The following SLC18A1 variants were observed in gnomAD, a reference collection of about 807,000 sequenced individuals.
SLC18A1 encodes the protein chromaffin granule amine transporter.
Under a neutral mutation model 53.7 loss-of-function variants are expected in SLC18A1, and 69 were observed. The observed-to-expected ratio is 1.28, with a 90% confidence interval of 1.06 to 1.57. SLC18A1 has a LOEUF of 1.57. SLC18A1 is among the 40% of genes most tolerant of loss of function. SLC18A1 has a pLI of 0.00. For missense variants in SLC18A1, 932 were observed against 668.1 expected (o/e 1.40, Z -4.35); for synonymous variants, 320 against 248.1 (o/e 1.29, Z -2.72).
rs533827026 is a variant in SLC18A1 at position 20,171,078 on chromosome 8, G to A, written c.858+25C>T. On this transcript the variant is annotated intron_variant, in intron 8 of 15. Transcript: ENST00000276373. ...ATTCAGCCATCCTGTATAACTGTTA[G>A]AAATGGAGCTTTGTGTCTGCTTACC... 4 of 1,612,912 alleles carry A rather than the reference G, an allele frequency of 2.5e-6. No individual in the cohort carries two copies. In the East Asian group the frequency reaches 8.9e-5, roughly 36 times the overall value.
At chr8:20,152,428 G>A (rs915385315) in intron 10 of SLC18A1, among the ~76,000 whole-genome samples, 1 of 152,196 alleles carries the variant, frequency 6.6e-6, no homozygotes, top group Non-Finnish European at 1.5e-5. Context: ...TAGAAGTCAT[G>A]GTGGAGAGAA....
chr8:20,164,818 G>T, intron 10 of SLC18A1, 51 bp downstream of exon 10: 2 of 1,416,982 alleles, frequency 1.4e-6, no homozygotes, highest in East Asian at 2.3e-5. Context: ...AGGACTCATG[G>T]CACCCACCTC....
At chr8:20,168,160 G>C (rs991884157) in intron 8 of SLC18A1, among the ~76,000 whole-genome samples, 1 of 152,064 alleles carries the variant, frequency 6.6e-6, no homozygotes, top group East Asian at 1.9e-4. Flanking sequence ...AAGGACGGGA[G>C]GCCAGGAGTT....
At chr8:20,167,719 C>T (rs937652749) in intron 8 of SLC18A1, among the ~76,000 whole-genome samples, 1 of 152,112 alleles carries the variant, frequency 6.6e-6, no homozygotes, top group Non-Finnish European at 1.5e-5. Context: ...CTCCTGGGTT[C>T]ATGCCATTCT....
At chr8:20,146,437 A>C (rs531402049) in intron 15 of SLC18A1, among the ~76,000 whole-genome samples, 3 of 152,144 alleles carry the variant, frequency 2.0e-5, no homozygotes, top group Non-Finnish European at 2.9e-5. Flanking sequence ...CAGGAAGCCA[A>C]ATGGAATCAC....
chr8:20,178,523 C>T (rs1228832424), intron 3 of SLC18A1, 30 bp from the exon 4 acceptor site: 1 of 1,542,538 alleles, frequency 6.5e-7, no homozygotes, highest in Admixed American at 1.8e-5. Context: ...AAAAAAGATA[C>T]AATTCCAACA....
At chr8:20,175,708 TCTC>T (rs1391150560) in intron 4 of SLC18A1, 5 of 152,144 alleles carry the variant, frequency 3.3e-5, no homozygotes, top group African/African-American at 1.2e-4. Context: ...GTAAGAATAA[TCTC>T]CTCGAAGTGT....
intron 10 of SLC18A1, among the ~76,000 whole-genome samples, chr8:20,158,158 G>A (rs2071728142): frequency 6.6e-6 from 1 of 152,132 alleles, no homozygotes; most frequent in African/African-American, 2.4e-5. Flanking sequence ...TGAGGGCCAG[G>A]AGGTTAACTG....
chr8:20,180,289 A>G (rs1228437777), intron 2 of SLC18A1, among the ~76,000 whole-genome samples: 1 of 152,188 alleles, frequency 6.6e-6, no homozygotes, highest in Admixed American at 6.5e-5. Context: ...TTTTAAAAAC[A>G]TATGTTTTAC....
intron 1 of SLC18A1, among the ~76,000 whole-genome samples, chr8:20,182,160 A>G (rs4921694): frequency 0.78 from 119,165 of 151,988 alleles, 47,691 homozygotes; most frequent in African/African-American, 0.95. Flanking sequence ...GAAATCTATC[A>G]GGCCCTAAAA....
chr8:20,147,630 C>T lies in SLC18A1; in HGVS notation c.1303G>A (p.Val435Met), dbSNP rs753732218. The change falls in exon 14 of 16, where the codon GTG becomes ATG. Residue 435 changes from valine to methionine, a missense_variant. Transcript: ENST00000276373. ...ATAGCAAAGCCCATGCAAAAAGCCA[C>T]ATCAGCGATGGCGTAGACACTCCCA... ...VYGSVYAIAD[V>M]AFCMGFAIGP... is the part of the protein sequence containing the mutation. 37 of 1,614,150 alleles carry T rather than the reference C, an allele frequency of 2.3e-5. 1 individual carries two copies. In the South Asian group the frequency reaches 3.8e-4, roughly 17 times the overall value.
chr8:20,165,975 T>C (rs2071948211), intron 8 of SLC18A1, among the ~76,000 whole-genome samples: 1 of 152,040 alleles, frequency 6.6e-6, no homozygotes, highest in South Asian at 2.1e-4. Flanking sequence ...CACACAATAG[T>C]GGATTGATAA....
intron 6 of SLC18A1, among the ~76,000 whole-genome samples, chr8:20,172,348 G>A (rs1334127807): frequency 6.6e-6 from 1 of 152,204 alleles, no homozygotes; most frequent in East Asian, 1.9e-4. Flanking sequence ...GCTAGAGGGT[G>A]GGGCATAGGC....
intron 10 of SLC18A1, among the ~76,000 whole-genome samples, chr8:20,161,512 C>A (rs575377986): frequency 6.6e-6 from 1 of 152,076 alleles, no homozygotes; most frequent in Non-Finnish European, 1.5e-5. Flanking sequence ...TATGCAAATA[C>A]GATGCCATTC....
chr8:20,149,055 G>C (rs2071477929), intron 12 of SLC18A1, among the ~76,000 whole-genome samples: 1 of 152,156 alleles, frequency 6.6e-6, no homozygotes, highest in South Asian at 2.1e-4. Flanking sequence ...CTGGTCTTGA[G>C]CACAGTTTAC....
intron 12 of SLC18A1, among the ~76,000 whole-genome samples, chr8:20,149,131 T>C (rs1185129325): frequency 1.3e-5 from 2 of 152,076 alleles, no homozygotes; most frequent in Non-Finnish European, 2.9e-5. Flanking sequence ...TCATCCCCAC[T>C]GGGGAGAGGA....
chr8:20,166,333 A>G (rs1215484553), intron 8 of SLC18A1, among the ~76,000 whole-genome samples: 3 of 57,336 alleles, frequency 5.2e-5, no homozygotes, highest in African/African-American at 8.8e-5. Context: ...ATATATATAC[A>G]CCACCAGGTG....
intron 11 of SLC18A1, among the ~76,000 whole-genome samples, 167 bp from the exon 12 acceptor site, chr8:20,149,894 C>T (rs546142430): frequency 2.1e-4 from 32 of 152,270 alleles, no homozygotes; most frequent in South Asian, 1.0e-3. Context: ...GAGCTCTCTC[C>T]CTGCCCTTTC....
At position 20,148,155 on chromosome 8, in the gene SLC18A1, T is replaced by A. The variant is rs970085277; in HGVS notation, c.1147-85A>T. On this transcript the variant is annotated intron_variant, in intron 12 of 15. Coordinates refer to ENST00000276373, the MANE Select transcript of SLC18A1 (RefSeq NM_003053.4). ...TCAAAGAGTTTTCACATGAAATGCA[T>A]TTATTCAGAGTGCACTATTGGCCAC... 4 of 1,229,684 alleles carry A rather than the reference T, an allele frequency of 3.3e-6. No homozygotes were observed. In the African/African-American group the frequency reaches 5.9e-5, roughly 18 times the overall value. 76.2% of individuals were successfully genotyped at this position (1,229,684 alleles called of 1,614,324 possible).
Sources: gnomAD v4.1 joint callset for allele counts (sites outside exome capture counted in the v4.1 genomes callset) on GRCh38, gnomAD v4.1.1 for gene constraint, MANE v1.5 for transcripts, NCBI Gene and HGNC (gene_info 2026-07-23, HGNC 2026-07-21) for gene names.